PNPLA8: variants seen among roughly 807,000 people sequenced by gnomAD.
The protein encoded by PNPLA8 is calcium-independent phospholipase A2-gamma.
Under a neutral mutation model 76.9 loss-of-function variants are expected in PNPLA8, and 39 were observed. The ratio of observed to expected loss-of-function variants is 0.51; its 90% CI spans 0.39 to 0.66. The LOEUF is 0.66. Among genes scored for constraint, PNPLA8 ranks in the 30% least tolerant of loss-of-function variants. PNPLA8 has a pLI of 0.00. For missense variants in PNPLA8, 887 were observed against 918.0 expected, an observed-to-expected ratio of 0.97 and a Z score of 0.44; for synonymous variants, 301 against 307.9, an observed-to-expected ratio of 0.98 and a Z score of 0.24.
chr7:108,501,525 G>A (rs1387594185), intron 5 of PNPLA8, among the ~76,000 whole-genome samples: 1 of 152,140 alleles, frequency 6.6e-6, no homozygotes, highest in Non-Finnish European at 1.5e-5. Flanking sequence ...TAAGATAAGT[G>A]TAATAAAAGA....
In PNPLA8 at chr7:108,515,186, G is replaced by C. The variant is rs768252262; in HGVS notation, c.306C>G (p.Ser102=). 2 of 1,605,836 alleles carry C rather than the reference G, an allele frequency of 1.2e-6. No individual in the cohort carries two copies. The highest frequency in any genetic ancestry group is 1.1e-5 in the South Asian group (1 of 90,696). Residue 102 remains serine (S), a synonymous_variant, in exon 3 of 11, where the codon TCC becomes TCG. Transcript: ENST00000257694. ...CAGAGTTCAAAGTACTTTTAATACG[G>C]GACATACAAATGTTCACTTTTGTAA... ...KGLTKVNICM[S]RIKSTLNSVS...
intron 4 of PNPLA8, among the ~76,000 whole-genome samples, chr7:108,508,551 C>G (rs1419258348): frequency 2.1e-5 from 1 of 47,346 alleles, no homozygotes; most frequent in Non-Finnish European, 4.0e-5. Flanking sequence ...GAAGAACATT[C>G]CATGCTCATG....
In PNPLA8 at chr7:108,478,317, G is replaced by A. The variant is rs115931655; in HGVS notation, c.2074+867C>T. Among the ~76,000 whole-genome samples the A allele has an allele frequency of 3.0e-3, 462 of 152,194 alleles. 2 individuals are homozygous for A. The highest frequency in any genetic ancestry group is 0.011 in the African/African-American group (446 of 41,540). ...GTTTGGTGACCACCAAGAATTATCC[G>A]GTGGTTGGACACACTGTAGAGAAGG... On this transcript the variant is annotated intron_variant, in intron 10 of 10. Transcript: ENST00000257694.
At chr7:108,488,852 A>C (rs915236693) in intron 8 of PNPLA8, among the ~76,000 whole-genome samples, 2 of 152,206 alleles carry the variant, frequency 1.3e-5, no homozygotes, top group African/African-American at 4.8e-5. Flanking sequence ...CTGTAATACA[A>C]ACTTAAGAGG....
chr7:108,519,026 C>A, intron 2 of PNPLA8, among the ~76,000 whole-genome samples: 3 of 147,540 alleles, frequency 2.0e-5, no homozygotes, highest in Admixed American at 6.8e-5. Flanking sequence ...CAGAAGGTAC[C>A]ATGTGAATGA....
At position 108,517,667 on chromosome 7, in the gene PNPLA8, G is replaced by A. The variant is rs943487497; in HGVS notation, c.-83-2093C>T. 4.6e-5 allele frequency among the ~76,000 whole-genome samples: 7 copies of A among 152,294 alleles called. No homozygotes were observed. In the East Asian group the frequency reaches 1.3e-3, roughly 29 times the overall value. On this transcript the variant is annotated intron_variant, in intron 2 of 10. Coordinates refer to ENST00000257694, the MANE Select transcript of PNPLA8 (RefSeq NM_001256007.3). ...AAATGCATATTACTAAGTGAAAACA[G>A]CCAATCTGAAAAGGCTACATACTGT...
At position 108,472,459 on chromosome 7, in the gene PNPLA8, T is replaced by C; in HGVS notation, c.2291A>G (p.Asp764Gly). The C allele has an allele frequency of 1.3e-6, 2 of 1,596,390 alleles. No homozygotes were observed. The highest frequency in any genetic ancestry group is 1.1e-5 in the South Asian group (1 of 88,136). ...QEKTTLQKIN[D>G]WIKLKTDMYE... ...CATATCAGTTTTTAATTTTATCCAA[T>C]CATTAATTTTCTGCAGAGTTGTTTT... The change falls in exon 11 of 11, where the codon GAT becomes GGT. Residue 764 changes from aspartate to glycine, a missense_variant. By Grantham distance (94) the Asp-to-Gly change is moderately conservative (BLOSUM62 -1). Transcript: ENST00000257694.
intron 2 of PNPLA8, among the ~76,000 whole-genome samples, chr7:108,519,673 C>A (rs905311531): frequency 2.0e-5 from 3 of 152,066 alleles, no homozygotes; most frequent in Non-Finnish European, 4.4e-5. Context: ...GGAATTCTAC[C>A]ACAAAATATG....
At chr7:108,510,643 A>T in intron 4 of PNPLA8, 1 of 1,577,476 alleles carries the variant, frequency 6.3e-7, no homozygotes, top group Non-Finnish European at 8.6e-7. Flanking sequence ...TTGTAGAGCC[A>T]TATATTGCAT....
chr7:108,487,879 A>C lies in PNPLA8; in HGVS notation c.1758T>G (p.Phe586Leu), dbSNP rs769660099. ...KAFVFRNYGH[F>L]PGINSHYLGG... is the part of the protein sequence containing the mutation. ...CCAAATAATGAGAGTTGATTCCAGG[A>C]AAATGACCATAGTTTCTGAACACAA... The change falls in exon 9 of 11, where the codon TTT becomes TTG. Residue 586 changes from phenylalanine to leucine, a missense_variant. Transcript: ENST00000257694. 26 of 1,613,152 alleles carry C rather than the reference A, an allele frequency of 1.6e-5. No individual in the cohort carries two copies. Among genetic ancestry groups the C allele is most frequent in the Non-Finnish European group, 1.9e-5 (22 of 1,179,308 alleles).
chr7:108,494,609 T>C (rs952748641), intron 7 of PNPLA8, among the ~76,000 whole-genome samples: 1 of 152,198 alleles, frequency 6.6e-6, no homozygotes, highest in Non-Finnish European at 1.5e-5. Flanking sequence ...AATCCACTGT[T>C]GATGGGCACC....
chr7:108,494,561 G>C (rs900905131), intron 7 of PNPLA8, among the ~76,000 whole-genome samples: 6 of 152,150 alleles, frequency 3.9e-5, no homozygotes, highest in Admixed American at 3.9e-4. Context: ...TAACTGCATA[G>C]TATTCCACAA....
chr7:108,526,838 G>C (rs1864116083), upstream of PNPLA8, among the ~76,000 whole-genome samples: 2 of 152,190 alleles, frequency 1.3e-5, no homozygotes, highest in Non-Finnish European at 2.9e-5. Flanking sequence ...GCCCACCGCA[G>C]GTTCTGCTGT....
intron 9 of PNPLA8, among the ~76,000 whole-genome samples, chr7:108,483,073 T>C (rs913440555): frequency 3.3e-5 from 5 of 152,244 alleles, no homozygotes; most frequent in Non-Finnish European, 5.9e-5. Flanking sequence ...TGATAACTCT[T>C]CATTTCTGGC....
At chr7:108,526,502 C>G (rs997208785), upstream of PNPLA8, among the ~76,000 whole-genome samples, 1 of 152,168 alleles carries the variant, frequency 6.6e-6, no homozygotes, top group Non-Finnish European at 1.5e-5. Flanking sequence ...TGCTTGTTTG[C>G]GGGCCGCTAT....
At chr7:108,519,511 G>T (rs1598977169) in intron 2 of PNPLA8, among the ~76,000 whole-genome samples, 2 of 152,330 alleles carry the variant, frequency 1.3e-5, no homozygotes, top group East Asian at 1.9e-4. Context: ...TGCCAAGAAA[G>T]ATGGAACTGA....
chr7:108,478,069 T>C (rs1860124156), intron 10 of PNPLA8, among the ~76,000 whole-genome samples: 1 of 152,050 alleles, frequency 6.6e-6, no homozygotes, highest in African/African-American at 2.4e-5. Context: ...TACAATGAGA[T>C]AAATGCTGTA....
intron 2 of PNPLA8, among the ~76,000 whole-genome samples, chr7:108,517,479 T>C (rs1936965610): frequency 6.6e-6 from 1 of 152,232 alleles, no homozygotes; most frequent in Non-Finnish European, 1.5e-5. Context: ...TTATTCATAA[T>C]TGCCAAAATT....
intron 2 of PNPLA8, among the ~76,000 whole-genome samples, chr7:108,520,316 A>T (rs1363580061): frequency 1.3e-5 from 2 of 152,214 alleles, no homozygotes; most frequent in Admixed American, 6.5e-5. Context: ...AACACTTAAT[A>T]TAAAATACTT....
Sources: allele counts gnomAD v4.1 joint callset (sites outside exome capture counted in the v4.1 genomes callset), GRCh38; gene constraint gnomAD v4.1.1; transcripts MANE v1.5; gene names NCBI Gene and HGNC (gene_info 2026-07-23, HGNC 2026-07-21).